Variants in NETO2 observed in about 807,000 individuals in gnomAD.
NETO2 encodes neuropilin and tolloid-like protein 2.
A neutral mutation model predicts 62.5 loss-of-function variants in NETO2; 28 were observed. The ratio of observed to expected loss-of-function variants is 0.45; its 90% CI spans 0.33 to 0.61. The LOEUF is 0.61. Ranked by LOEUF, NETO2 falls within the 20% of genes least tolerant of loss-of-function variation. NETO2 has a pLI of 0.02. For missense variants in NETO2, 548 were observed against 643.2 expected (o/e 0.85, Z 1.60); for synonymous variants, 214 against 219.1 (o/e 0.98, Z 0.21).
At position 47,081,702 on chromosome 16, in the gene NETO2, T is replaced by G. The variant is rs1045206146; in HGVS notation, c.*1519A>C. 1 of 152,538 alleles carries G rather than the reference T, an allele frequency of 6.6e-6. No individual in the cohort carries two copies. The highest frequency in any genetic ancestry group is 2.4e-5 in the African/African-American group (1 of 41,464). 9.4% of individuals were successfully genotyped at this position (152,538 alleles called of 1,614,324 possible). The stretch of plus-strand genomic sequence containing the variant: ...GAATTTACCTCTTTTAAATGGCATG[T>G]CTGTATTACTTACAATTTGATAAAT... On this transcript the variant is annotated 3_prime_UTR_variant, in exon 9 of 9. Transcript: ENST00000562435.
intron 1 of NETO2, among the ~76,000 whole-genome samples, chr16:47,136,489 C>A (rs1964363484): frequency 6.6e-6 from 1 of 152,176 alleles, no homozygotes; most frequent in African/African-American, 2.4e-5. Flanking sequence ...CTCACTTAAC[C>A]TCTGCTTCTG....
chr16:47,143,378 C>A (rs1964504844), intron 1 of NETO2, among the ~76,000 whole-genome samples: 1 of 151,962 alleles, frequency 6.6e-6, no homozygotes, highest in South Asian at 2.1e-4. Flanking sequence ...TCGCAGGGGT[C>A]GGAAGCGGCG....
intron 7 of NETO2, among the ~76,000 whole-genome samples, chr16:47,091,129 TTTTTAAAAAAC>T (rs1963303638): frequency 6.6e-6 from 1 of 152,342 alleles, no homozygotes; most frequent in African/African-American, 2.4e-5. Flanking sequence ...CTGGCTCTTG[TTTTTAAAAAAC>T]TCTGTTAAAT....
intron 6 of NETO2, among the ~76,000 whole-genome samples, chr16:47,115,714 CATATAT>C (rs918750034): frequency 1.6e-5 from 2 of 128,504 alleles, no homozygotes; most frequent in African/African-American, 3.5e-5. Flanking sequence ...TATATATATA[CATATAT>C]ATATATATAT....
chr16:47,089,378 T>C (rs780449454), intron 7 of NETO2, among the ~76,000 whole-genome samples: 5 of 152,200 alleles, frequency 3.3e-5, no homozygotes, highest in Non-Finnish European at 7.3e-5. Context: ...GTATTTAACC[T>C]CCTTGGGCCT....
chr16:47,090,329 C>G (rs1347857557), intron 7 of NETO2, among the ~76,000 whole-genome samples: 1 of 152,146 alleles, frequency 6.6e-6, no homozygotes, highest in Non-Finnish European at 1.5e-5. Flanking sequence ...AATAATTACA[C>G]CTACATTAAC....
At chr16:47,137,912 G>T (rs779850060) in intron 1 of NETO2, among the ~76,000 whole-genome samples, 28 of 152,198 alleles carry the variant, frequency 1.8e-4, no homozygotes, top group Non-Finnish European at 3.5e-4. Flanking sequence ...GCATCAGAGT[G>T]AAGGCTCTAT....
At chr16:47,107,229 A>C (rs1963695234) in intron 7 of NETO2, among the ~76,000 whole-genome samples, 1 of 152,206 alleles carries the variant, frequency 6.6e-6, no homozygotes, top group African/African-American at 2.4e-5. Flanking sequence ...GAAGGCAGAG[A>C]ATGAAGGAGG....
At chr16:47,117,006 A>G (rs1369127840) in intron 6 of NETO2, among the ~76,000 whole-genome samples, 2 of 152,154 alleles carry the variant, frequency 1.3e-5, no homozygotes, top group Non-Finnish European at 1.5e-5. Context: ...ATTTACCCAG[A>G]TATTTACCAT....
intron 6 of NETO2, among the ~76,000 whole-genome samples, chr16:47,119,576 C>G (rs942109504): frequency 6.7e-6 from 1 of 149,084 alleles, no homozygotes. Context: ...TTTTTAATTT[C>G]TGTTTTATGA....
At position 47,129,213 on chromosome 16, in the gene NETO2, C is replaced by T. The variant is rs117108621; in HGVS notation, c.232+11G>A. On this transcript the variant is annotated intron_variant, in intron 3 of 8. Transcript: ENST00000562435. ...TAAAAATTCATCCAATAAAAGAAAT[C>T]GTTCAAATACCTTCCAAAATGTAGA... 8.8e-5 allele frequency: 141 copies of T among 1,609,864 alleles called. 2 individuals are homozygous for T. The East Asian group carries it at 2.5e-3, about 29-fold the overall frequency.
Position 47,129,354 on chromosome 16 carries a change from A to G in NETO2, c.102T>C (p.Asn34=). The G allele has an allele frequency of 6.2e-7, 1 of 1,613,788 alleles. No individual in the cohort carries two copies. The highest frequency in any genetic ancestry group is 8.5e-7 in the Non-Finnish European group (1 of 1,179,926). Residue 34 remains asparagine, a synonymous_variant, in exon 3 of 9, where the codon AAT becomes AAC. Coordinates refer to ENST00000562435, the MANE Select transcript of NETO2 (RefSeq NM_018092.5). ...TTGCAGGAATATGCTTGATTCCAATATTTTGTCCATCTTAGGGAAAAACGG... is the reference window on the plus strand; with the variant it reads ...TTGCAGGAATATGCTTGATTCCAATGTTTTGTCCATCTTAGGGAAAAACGG... ...AVAQKTQDGQ[N]IGIKHIPATQ...
At chr16:47,086,104 T>G (rs1311937248) in intron 8 of NETO2, 122 bp downstream of exon 8, 1 of 713,052 alleles carries the variant, frequency 1.4e-6, no homozygotes, top group African/African-American at 1.8e-5. Context: ...GGACTCCGTC[T>G]CAAACAAACA....
intron 7 of NETO2, among the ~76,000 whole-genome samples, chr16:47,099,599 T>TA (rs1194356798): frequency 1.3e-5 from 2 of 150,046 alleles, no homozygotes; most frequent in African/African-American, 4.9e-5. Context: ...AGGCTCAAAA[T>TA]AAACAGATGG....
chr16:47,110,209 C>T (rs377465720), intron 6 of NETO2, among the ~76,000 whole-genome samples: 2 of 152,116 alleles, frequency 1.3e-5, no homozygotes, highest in African/African-American at 2.4e-5. Flanking sequence ...TACCTATTCC[C>T]GGATGTCCTA....
chr16:47,109,676 G>A lies in NETO2; in HGVS notation c.690C>T (p.His230=). 1.2e-6 allele frequency: 2 copies of A among 1,613,478 alleles called. No homozygotes were observed. The highest frequency in any genetic ancestry group is 2.2e-5 in the South Asian group (2 of 91,056). The change falls in exon 7 of 9, where the codon CAC becomes CAT. Residue 230 remains histidine, a synonymous_variant. Transcript: ENST00000562435. ...CGAAGTTTCTCTTGCATTCATTTGA[G>A]TGCTCCATTTGATAATCTAGGAACC... The part of the protein sequence containing the change: ...YLRFLDYQME[H]SNECKRNFVA...
At chr16:47,133,716 A>G (rs1964316124) in intron 1 of NETO2, among the ~76,000 whole-genome samples, 1 of 152,196 alleles carries the variant, frequency 6.6e-6, no homozygotes, top group Non-Finnish European at 1.5e-5. Flanking sequence ...AACTCTGAGT[A>G]ATACAGTGTG....
intron 1 of NETO2, among the ~76,000 whole-genome samples, chr16:47,136,786 A>G (rs1964368766): frequency 6.6e-6 from 1 of 152,344 alleles, no homozygotes; most frequent in East Asian, 1.9e-4. Context: ...GGGATAACAT[A>G]TTAATTCTTT....
intron 7 of NETO2, among the ~76,000 whole-genome samples, chr16:47,108,659 G>A (rs959291658): frequency 6.6e-6 from 1 of 152,214 alleles, no homozygotes; most frequent in African/African-American, 2.4e-5. Flanking sequence ...GTCACAGATG[G>A]AGAAGGCTAA....
Sources: gnomAD v4.1 joint callset for allele counts (sites outside exome capture counted in the v4.1 genomes callset) on GRCh38, gnomAD v4.1.1 for gene constraint, MANE v1.5 for transcripts, NCBI Gene and HGNC (gene_info 2026-07-23, HGNC 2026-07-21) for gene names.